DNM2: variants seen among roughly 807,000 people sequenced by gnomAD.
DNM2 encodes the protein dynamin-2.
In DNM2, 15 loss-of-function variants were observed where a neutral mutation model predicts 99.0. That is an observed-to-expected ratio of 0.15 (90% confidence interval 0.10 to 0.23). The LOEUF (loss-of-function observed/expected upper bound fraction) is 0.23. DNM2 is among the 10% of genes least tolerant of loss of function. The pLI is 1.00. For missense variants in DNM2, 742 were observed against 1,189.4 expected (o/e 0.62, Z 5.53); for synonymous variants, 525 against 481.2 (o/e 1.09, Z -1.19).
intron 11 of DNM2, among the ~76,000 whole-genome samples, chr19:10,799,213 C>T (rs949289661): frequency 9.2e-5 from 14 of 152,090 alleles, no homozygotes; most frequent in South Asian, 6.2e-4. Flanking sequence ...GGAGACAGAG[C>T]GAGACCCCGT....
intron 1 of DNM2, among the ~76,000 whole-genome samples, chr19:10,751,381 ACT>A (rs893107760): frequency 1.4e-4 from 22 of 152,172 alleles, no homozygotes; most frequent in African/African-American, 5.1e-4. Flanking sequence ...AGATTTCAGT[ACT>A]CTCAGAATGC....
intron 8 of DNM2, among the ~76,000 whole-genome samples, chr19:10,794,675 GA>G (rs2071872594): frequency 6.6e-6 from 1 of 151,922 alleles, no homozygotes; most frequent in Non-Finnish European, 1.5e-5. Context: ...CCAGGAGGCA[GA>G]GGATGCAGCA....
intron 11 of DNM2, among the ~76,000 whole-genome samples, chr19:10,800,345 A>G (rs2072092580): frequency 6.6e-6 from 1 of 152,066 alleles, no homozygotes; most frequent in African/African-American, 2.4e-5. Flanking sequence ...GATTTGGCCA[A>G]TTGCTCCCTC....
At chr19:10,777,932 A>T (rs1052780800) in intron 5 of DNM2, among the ~76,000 whole-genome samples, 2 of 151,842 alleles carry the variant, frequency 1.3e-5, no homozygotes, top group Non-Finnish European at 2.9e-5. Flanking sequence ...AAAGTGTGGA[A>T]AAAAGTTCAA....
intron 14 of DNM2, 66 bp downstream of exon 14, chr19:10,808,646 C>T: frequency 6.5e-7 from 1 of 1,530,822 alleles, no homozygotes; most frequent in Non-Finnish European, 8.9e-7. Context: ...CCCCGCCCAC[C>T]CCTAATATTC....
chr19:10,721,777 G>T (rs766675833), intron 1 of DNM2, among the ~76,000 whole-genome samples: 1 of 152,244 alleles, frequency 6.6e-6, no homozygotes, highest in Non-Finnish European at 1.5e-5. Flanking sequence ...TGGAAGTCCA[G>T]ATCACTGGCT....
At chr19:10,786,490 G>C (rs2071563340) in intron 6 of DNM2, 74 bp from the exon 7 acceptor site, 4 of 1,604,270 alleles carry the variant, frequency 2.5e-6, no homozygotes, top group Non-Finnish European at 3.4e-6. Flanking sequence ...GCCCTTGGTT[G>C]GGGGGAGTGT....
intron 1 of DNM2, among the ~76,000 whole-genome samples, chr19:10,734,506 G>T (rs959886026): frequency 9.2e-5 from 14 of 151,442 alleles, no homozygotes; most frequent in African/African-American, 3.4e-4. Flanking sequence ...TGGCCTGGTG[G>T]TGCTCACCTG....
At chr19:10,771,656 TC>T in intron 2 of DNM2, among the ~76,000 whole-genome samples, 1 of 152,188 alleles carries the variant, frequency 6.6e-6, no homozygotes, top group East Asian at 1.9e-4. Flanking sequence ...GGCATCGAAC[TC>T]CCTTGACTGG....
chr19:10,811,984 C>T lies in DNM2; in HGVS notation c.1558-280C>T, dbSNP rs1252009113. 2 of 479,946 alleles carry T rather than the reference C, an allele frequency of 4.2e-6. No individual in the cohort carries two copies. The allele number at this position is 479,946 out of a possible 1,614,324, so 29.7% of individuals were successfully genotyped here. ...CCACACACAAGCCCCAGGGACTCCT[C>T]CCATGGGCCCCTTTCCATCAGGCCT... On this transcript the variant is annotated intron_variant, in intron 14 of 20. Coordinates refer to ENST00000389253, the MANE Select transcript of DNM2 (RefSeq NM_001005361.3). This position sits in a 1 kb window ranked among gnomAD's most constrained non-coding sequence, Gnocchi z 5.4.
intron 6 of DNM2, among the ~76,000 whole-genome samples, chr19:10,785,413 A>G (rs976688764): frequency 6.6e-6 from 1 of 151,894 alleles, no homozygotes; most frequent in Non-Finnish European, 1.5e-5. Context: ...AGTGTGAGCC[A>G]CTGCCCCCGG....
rs538617395 is a variant in DNM2, at chr19:10,761,790, C to T, written c.235+1979C>T. On this transcript the variant is annotated intron_variant, in intron 2 of 20. Transcript: ENST00000389253. ...ACTCCTCACTTTCGTCCTCTGGCCC[C>T]GCCCAACCTGGCAAGAAGGCGTGTC... is the stretch of plus-strand genomic sequence containing the variant. Among the ~76,000 whole-genome samples the T allele has an allele frequency of 9.2e-5, 14 of 152,284 alleles. No individual in the cohort carries two copies. The East Asian group carries it at 2.1e-3, about 23-fold the overall frequency.
At chr19:10,734,118 G>A (rs547971052) in intron 1 of DNM2, among the ~76,000 whole-genome samples, 21 of 152,160 alleles carry the variant, frequency 1.4e-4, no homozygotes, top group Admixed American at 3.3e-4. Flanking sequence ...ACTTTGGGAG[G>A]CCAAGGTGGG....
Position 10,772,565 on chromosome 19 carries a change from G to A in DNM2, c.322G>A (p.Val108Ile), listed in dbSNP as rs1162606041. 2 of 1,614,162 alleles carry A rather than the reference G, an allele frequency of 1.2e-6. No individual in the cohort carries two copies. The highest frequency in any genetic ancestry group is 1.7e-6 in the Non-Finnish European group (2 of 1,180,028). Reference protein sequence around the residue: ...RQEIEAETDRVTGTNKGISPV... With the variant: ...RQEIEAETDRITGTNKGISPV... The stretch of plus-strand genomic sequence containing the variant: ...GGAGATTGAAGCAGAGACCGACAGG[G>A]TCACGGGGACCAACAAAGGCATCTC... The change falls in exon 3 of 21, where the codon GTC becomes ATC. Residue 108 changes from valine (V) to isoleucine (I), a missense_variant. Coordinates refer to ENST00000389253, the MANE Select transcript of DNM2 (RefSeq NM_001005361.3). The surrounding 1 kb of genome is among the most constrained non-coding windows in gnomAD (Gnocchi z 4.9).
Position 10,795,242 on chromosome 19 carries a change from A to AAGTTAAAT in DNM2, c.1129-129_1129-128insGTTAAATA, listed in dbSNP as rs2071891192. On this transcript the variant is annotated intron_variant, in intron 8 of 20. Transcript: ENST00000389253. The surrounding 1 kb of genome is among the most constrained non-coding windows in gnomAD (Gnocchi z 4.2). ...GGCCAGTTTTCAATTTTTTAAATAA[A>AAGTTAAAT]ATTTTGACGAGTTAAATATTCTGCC... 10 of 875,834 alleles carry AAGTTAAAT rather than the reference A, an allele frequency of 1.1e-5. No individual in the cohort carries two copies. The Admixed American group carries it at 1.7e-4, about 15-fold the overall frequency. 54.3% of individuals were successfully genotyped at this position (875,834 alleles called of 1,614,324 possible). A position where few individuals can be genotyped will look rare whatever the true frequency, so the allele number is the denominator to read the frequency against.
intron 1 of DNM2, among the ~76,000 whole-genome samples, chr19:10,721,216 G>T (rs2068928198): frequency 6.6e-6 from 1 of 152,064 alleles, no homozygotes; most frequent in Admixed American, 6.6e-5. Context: ...GAGTGCAGTG[G>T]TGTTATCTCA....
chr19:10,780,678 A>T (rs2071339085), intron 5 of DNM2, among the ~76,000 whole-genome samples: 1 of 152,066 alleles, frequency 6.6e-6, no homozygotes, highest in African/African-American at 2.4e-5. Context: ...CTATAACCCC[A>T]GGATTTTGGA....
chr19:10,814,429 A>G (rs1029802133), intron 15 of DNM2, among the ~76,000 whole-genome samples: 2 of 152,074 alleles, frequency 1.3e-5, no homozygotes, highest in South Asian at 2.1e-4. Flanking sequence ...GCGCCATTGC[A>G]CTCCAGCCTG....
At position 10,817,398 on chromosome 19, in the gene DNM2, G is replaced by C. The variant is rs538318663; in HGVS notation, c.1672-2582G>C. 176 of 494,478 alleles carry C rather than the reference G, an allele frequency of 3.6e-4. 1 individual carries two copies. In the Admixed American group the frequency reaches 3.8e-3, roughly 11 times the overall value. 30.6% of individuals were successfully genotyped at this position (494,478 alleles called of 1,614,324 possible). On this transcript the variant is annotated intron_variant, in intron 15 of 20. Coordinates refer to ENST00000389253, the MANE Select transcript of DNM2 (RefSeq NM_001005361.3). This position sits in a 1 kb window ranked among gnomAD's most constrained non-coding sequence, Gnocchi z 4.6. Reference sequence around the variant, plus strand: ...ACCTGCCGGCGAGTTTGGGGGGCCTGTCTCGACGAGCCGCTCACCCAAGCC... The same window carrying C: ...ACCTGCCGGCGAGTTTGGGGGGCCTCTCTCGACGAGCCGCTCACCCAAGCC...
Sources: allele counts gnomAD v4.1 joint callset (sites outside exome capture counted in the v4.1 genomes callset), GRCh38; gene constraint gnomAD v4.1.1; non-coding constraint Gnocchi (gnomAD v3.1); transcripts MANE v1.5; gene names NCBI Gene and HGNC (gene_info 2026-07-23, HGNC 2026-07-21).